The following ABCA1 variants were observed in gnomAD, a reference collection of about 807,000 sequenced individuals.
ABCA1 encodes the protein phospholipid-transporting ATPase ABCA1.
ABCA1 carries 133 observed loss-of-function variants against 262.5 expected under a neutral mutation model. The ratio of observed to expected loss-of-function variants is 0.51; its 90% CI spans 0.44 to 0.59. The LOEUF (loss-of-function observed/expected upper bound fraction) is 0.59. Among genes scored for constraint, ABCA1 ranks in the 20% least tolerant of loss-of-function variants. The pLI is 0.00. For missense variants in ABCA1, 2,452 were observed against 2,777.5 expected, an observed-to-expected ratio of 0.88 and a Z score of 2.63; for synonymous variants, 1,022 against 1,043.5, an observed-to-expected ratio of 0.98 and a Z score of 0.40.
In ABCA1 at chr9:104,819,733, A is replaced by G. The variant is rs763710385; in HGVS notation, c.3104-10T>C. On this transcript the variant is annotated splice_polypyrimidine_tract_variant and intron_variant, in intron 21 of 49. Coordinates refer to ENST00000374736, the MANE Select transcript of ABCA1 (RefSeq NM_005502.4). ...TTTCTCTGCATTCCACCTACAAAAA[A>G]ACAGAGCAAGACAAACTCCAGGACC... 1.9e-5 allele frequency: 31 copies of G among 1,614,066 alleles called. No homozygotes were observed. Among genetic ancestry groups the G allele is most frequent in the Non-Finnish European group, 2.3e-5 (27 of 1,180,044 alleles).
chr9:104,901,154 C>T (rs1840633241), intron 2 of ABCA1, among the ~76,000 whole-genome samples: 1 of 152,118 alleles, frequency 6.6e-6, no homozygotes, highest in Non-Finnish European at 1.5e-5. Context: ...AAACCTTTTC[C>T]CTGCCCTTTC....
rs536193081 is a variant in ABCA1, at chr9:104,834,466, G to T, written c.1312-1695C>A. Among the ~76,000 whole-genome samples, 9 of 149,668 alleles carry T rather than the reference G, an allele frequency of 6.0e-5. 1 individual carries two copies. The East Asian group carries it at 1.9e-3, about 32-fold the overall frequency. ...ACCTCACAAGTTCACAGAGGCTAGG[G>T]TTAGCAATTCTGAAGCCACTTTATT... On this transcript the variant is annotated intron_variant, in intron 11 of 49. Transcript: ENST00000374736.
chr9:104,857,751 T>C (rs1033677490), intron 7 of ABCA1, among the ~76,000 whole-genome samples: 2 of 152,204 alleles, frequency 1.3e-5, no homozygotes, highest in Non-Finnish European at 2.9e-5. Flanking sequence ...AGATACATCC[T>C]TCCTCCAGGA....
chr9:104,827,430 G>A (rs530035991), intron 15 of ABCA1, among the ~76,000 whole-genome samples: 2 of 152,216 alleles, frequency 1.3e-5, no homozygotes, highest in South Asian at 2.1e-4. Context: ...TTCAGTGGGC[G>A]AGTTTGCTCT....
intron 5 of ABCA1, among the ~76,000 whole-genome samples, chr9:104,875,351 C>CAAAA (rs749025515): frequency 0.02 from 1,265 of 63,916 alleles, 25 homozygotes; most frequent in African/African-American, 0.069. Context: ...GACTCCATCT[C>CAAAA]AAAAAAAAAA....
chr9:104,821,230 A>C, intron 20 of ABCA1, 145 bp downstream of exon 20: 1 of 1,164,114 alleles, frequency 8.6e-7, no homozygotes, highest in Non-Finnish European at 1.2e-6. Flanking sequence ...CTACAGAGCG[A>C]GACTCCATCT....
chr9:104,791,282 A>C (rs1360674462), intron 43 of ABCA1, among the ~76,000 whole-genome samples: 1 of 152,246 alleles, frequency 6.6e-6, no homozygotes, highest in East Asian at 1.9e-4. Flanking sequence ...CAGTAATGAA[A>C]GCCAGCTAGC....
At chr9:104,879,278 A>G (rs1044885526) in intron 5 of ABCA1, among the ~76,000 whole-genome samples, 2 of 152,128 alleles carry the variant, frequency 1.3e-5, no homozygotes, top group South Asian at 4.1e-4. Context: ...GCTCTCATTT[A>G]TTGGGAATCT....
Position 104,802,810 on chromosome 9 carries a change from T to C in ABCA1, c.4592+474A>G, listed in dbSNP as rs558823063. 3.3e-5 allele frequency among the ~76,000 whole-genome samples: 5 copies of C among 152,340 alleles called. No homozygotes were observed. In the East Asian group the frequency reaches 9.6e-4, roughly 29 times the overall value. ...GAAGGACAAATGGGTTGAAATACAG[T>C]GCAAAGAGATGGTTTTGGCGCTTCT... On this transcript the variant is annotated intron_variant, in intron 33 of 49. Coordinates refer to ENST00000374736, the MANE Select transcript of ABCA1 (RefSeq NM_005502.4).
chr9:104,816,127 C>T lies in ABCA1; in HGVS notation c.3738+16G>A. 1 of 1,614,040 alleles carries T rather than the reference C, an allele frequency of 6.2e-7. No individual in the cohort carries two copies. Among genetic ancestry groups the T allele is most frequent in the Non-Finnish European group, 8.5e-7 (1 of 1,179,954 alleles). The stretch of plus-strand genomic sequence containing the variant: ...TGGCCTTGCTATATATTCCGACAGT[C>T]AGCCACTTAACTTACTTCTTCCAGG... On this transcript the variant is annotated intron_variant, in intron 25 of 49. Coordinates refer to ENST00000374736, the MANE Select transcript of ABCA1 (RefSeq NM_005502.4).
At chr9:104,881,637 C>T (rs1838665852) in intron 5 of ABCA1, among the ~76,000 whole-genome samples, 1 of 152,188 alleles carries the variant, frequency 6.6e-6, no homozygotes, top group African/African-American at 2.4e-5. Flanking sequence ...TGTATGCTAG[C>T]ACTTTCCTCT....
chr9:104,788,161 A>G (rs1829091147), intron 45 of ABCA1, 107 bp from the exon 46 acceptor site: 4 of 1,323,022 alleles, frequency 3.0e-6, no homozygotes, highest in South Asian at 1.2e-5. Context: ...ACTAGATTCT[A>G]TAATCATAAC....
Position 104,786,932 on chromosome 9 carries a change from C to T in ABCA1, c.6249G>A (p.Leu2083=), listed in dbSNP as rs752174310. The T allele has an allele frequency of 3.1e-6, 5 of 1,614,036 alleles. No homozygotes were observed. Among genetic ancestry groups the T allele is most frequent in the Non-Finnish European group, 2.5e-6 (3 of 1,179,980 alleles). The change falls in exon 47 of 50, where the codon TTG becomes TTA. Residue 2083 remains leucine (L), a synonymous_variant. Transcript: ENST00000374736. The stretch of plus-strand genomic sequence containing the variant: ...TGACAACACTTAGGGCACAATTCCA[C>T]AAGAACCGCCGGGCTTTGGGATCCA... ...TGMDPKARRF[L]WNCALSVVKE... is the part of the protein sequence containing the mutation.
chr9:104,799,954 C>G lies in ABCA1; in HGVS notation c.4808G>C (p.Ser1603Thr), dbSNP rs1030058509. The stretch of plus-strand genomic sequence containing the variant: ...ATTGTTGATGACATTCAGGAAAGAG[C>G]TGATTGCATGCCAGCCCTTGTTATT... Reference protein sequence around the residue: ...WFNNKGWHAISSFLNVINNAI... With the variant: ...WFNNKGWHAITSFLNVINNAI... Residue 1603 changes from serine (S) to threonine (T), a missense_variant, in exon 36 of 50, where the codon AGC (serine) becomes ACC (threonine). Ser to Thr is a moderately conservative substitution (Grantham distance 58). This residue lies in a region of ABCA1 where 752 missense variants were observed against 944.5 expected (regional missense o/e 0.80). Transcript: ENST00000374736. The G allele has an allele frequency of 6.2e-7, 1 of 1,614,162 alleles. No homozygotes were observed. The highest frequency in any genetic ancestry group is 2.2e-5 in the East Asian group (1 of 44,884).
Position 104,800,502 on chromosome 9 carries a change from C to T in ABCA1, c.4773+8G>A, listed in dbSNP as rs199877059. The T allele has an allele frequency of 7.4e-6, 12 of 1,610,962 alleles. No homozygotes were observed. The highest frequency in any genetic ancestry group is 1.7e-5 in the Admixed American group (1 of 59,984). On this transcript the variant is annotated splice_region_variant and intron_variant, in intron 35 of 49. Coordinates refer to ENST00000374736, the MANE Select transcript of ABCA1 (RefSeq NM_005502.4). Reference sequence around the variant, plus strand: ...CAAAAAGCTACTAGAACAAAGACAGCGGTTTACCTTGACATTATTTTTGGT... The same window carrying T: ...CAAAAAGCTACTAGAACAAAGACAGTGGTTTACCTTGACATTATTTTTGGT...
At position 104,831,488 on chromosome 9, in the gene ABCA1, C is replaced by T. The variant is rs1588336319; in HGVS notation, c.1715+134G>A. 8.1e-6 allele frequency: 6 copies of T among 742,384 alleles called. No individual in the cohort carries two copies. The East Asian group carries it at 1.6e-4, about 20-fold the overall frequency. 46.0% of individuals were successfully genotyped at this position (742,384 alleles called of 1,614,324 possible). A position where few individuals can be genotyped will look rare whatever the true frequency, so the allele number is the denominator to read the frequency against. On this transcript the variant is annotated intron_variant, in intron 13 of 49. Transcript: ENST00000374736. The stretch of plus-strand genomic sequence containing the variant: ...TGTACCAATTTCACCAAAATCATGA[C>T]ACCAAGTTGAGTTTTTTTGTTGTTG...
At chr9:104,821,258 A>T (rs1832315662) in intron 20 of ABCA1, 117 bp downstream of exon 20, 1 of 1,444,446 alleles carries the variant, frequency 6.9e-7, no homozygotes, top group Non-Finnish European at 9.3e-7. Flanking sequence ...ATAAAAAAGA[A>T]AAAAAGAAAA....
At chr9:104,827,307 G>A in intron 15 of ABCA1, 138 bp from the exon 16 acceptor site, 1 of 771,124 alleles carries the variant, frequency 1.3e-6, no homozygotes, top group Non-Finnish European at 2.2e-6. Context: ...TCATCTTTCT[G>A]ATGAGGCAAC....
At chr9:104,905,038 G>C (rs1044124946) in intron 1 of ABCA1, among the ~76,000 whole-genome samples, 2 of 152,190 alleles carry the variant, frequency 1.3e-5, no homozygotes, top group African/African-American at 2.4e-5. Flanking sequence ...GCTGGGGAGG[G>C]GGCAGAAGAT....
Sources: allele counts gnomAD v4.1 joint callset (sites outside exome capture counted in the v4.1 genomes callset), GRCh38; gene constraint gnomAD v4.1.1; regional missense constraint gnomAD v4.1.1; transcripts MANE v1.5; gene names NCBI Gene and HGNC (gene_info 2026-07-23, HGNC 2026-07-21).